Variants in RBM44 observed in about 807,000 individuals in gnomAD.
The protein encoded by RBM44 is RNA-binding protein 44.
RBM44 carries 66 observed loss-of-function variants against 105.1 expected under a neutral mutation model. The ratio of observed to expected loss-of-function variants is 0.63; its 90% CI spans 0.52 to 0.77. The LOEUF is 0.77. Ranked by LOEUF, RBM44 falls within the 30% of genes least tolerant of loss-of-function variation. RBM44 has a pLI of 0.00. For missense variants in RBM44, 1,122 were observed against 1,207.8 expected (o/e 0.93, Z 1.05); for synonymous variants, 365 against 417.6 (o/e 0.87, Z 1.54).
chr2:237,831,002 T>C (rs12467822), intron 13 of RBM44, among the ~76,000 whole-genome samples: 26,568 of 151,974 alleles, frequency 0.17, 2,688 homozygotes, highest in Middle Eastern at 0.3. Flanking sequence ...ACTTGTTGAA[T>C]AAATGTATCT....
chr2:237,816,854 C>T, intron 2 of RBM44, 139 bp from the exon 3 acceptor site: 1 of 570,154 alleles, frequency 1.8e-6, no homozygotes, highest in Non-Finnish European at 2.9e-6. Context: ...TTAGCTGCTA[C>T]TGAAAGGGAT....
chr2:237,804,068 C>T (rs964268780), intron 1 of RBM44, among the ~76,000 whole-genome samples: 50 of 152,146 alleles, frequency 3.3e-4, no homozygotes, highest in African/African-American at 1.2e-3. Flanking sequence ...CAGGGTTTCA[C>T]CATGTTGGCC....
chr2:237,815,032 A>T (rs1429202748), intron 2 of RBM44, among the ~76,000 whole-genome samples: 1 of 152,104 alleles, frequency 6.6e-6, no homozygotes, highest in African/African-American at 2.4e-5. Context: ...GAAAATTCTG[A>T]TATGACAAGA....
At chr2:237,827,636 G>C (rs2061861506) in intron 12 of RBM44, 133 bp downstream of exon 12, 2 of 618,238 alleles carry the variant, frequency 3.2e-6, no homozygotes, top group Non-Finnish European at 5.8e-6. Context: ...CCAGGGAAGG[G>C]GACATAGGGA....
At position 237,803,757 on chromosome 2, in the gene RBM44, A is replaced by G. The variant is rs2061570397; in HGVS notation, c.-19+4896A>G. Among the ~76,000 whole-genome samples the G allele has an allele frequency of 6.6e-6, 1 of 152,196 alleles. No homozygotes were observed. Among genetic ancestry groups the G allele is most frequent in the South Asian group, 2.1e-4 (1 of 4,836 alleles). On this transcript the variant is annotated intron_variant, in intron 1 of 15. Coordinates refer to ENST00000316997, the MANE Select transcript of RBM44 (RefSeq NM_001080504.3). The surrounding 1 kb of genome is among the most constrained non-coding windows in gnomAD (Gnocchi z 4.2). ...ATTATAAATTTGGTTTTCACATTTAAAAATATGATTCATCTCACTTTTATT... is the reference window on the plus strand; with the variant it reads ...ATTATAAATTTGGTTTTCACATTTAGAAATATGATTCATCTCACTTTTATT...
At chr2:237,835,049 G>A (rs1168302536) in intron 15 of RBM44, among the ~76,000 whole-genome samples, 1 of 152,150 alleles carries the variant, frequency 6.6e-6, no homozygotes, top group East Asian at 1.9e-4. Context: ...TTGTGTCTGT[G>A]TCACATTTTG....
At chr2:237,808,181 A>G (rs572249817) in intron 1 of RBM44, among the ~76,000 whole-genome samples, 1 of 152,154 alleles carries the variant, frequency 6.6e-6, no homozygotes, top group African/African-American at 2.4e-5. Flanking sequence ...GGCCGAGTGC[A>G]GTGGCTCAGG....
chr2:237,808,178 T>A (rs2061618677), intron 1 of RBM44, among the ~76,000 whole-genome samples: 1 of 151,920 alleles, frequency 6.6e-6, no homozygotes, highest in Non-Finnish European at 1.5e-5. Flanking sequence ...CAGGGCCGAG[T>A]GCAGTGGCTC....
intron 5 of RBM44, chr2:237,820,609 G>A: frequency 3.3e-6 from 1 of 301,034 alleles, no homozygotes; most frequent in Non-Finnish European, 6.0e-6. Flanking sequence ...AACTTAGAGA[G>A]TTTTTGCATG....
chr2:237,842,720 G>T lies in RBM44; in HGVS notation c.*904G>T, dbSNP rs1213929353. On this transcript the variant is annotated 3_prime_UTR_variant, in exon 16 of 16. Coordinates refer to ENST00000316997, the MANE Select transcript of RBM44 (RefSeq NM_001080504.3). ...GTTTTAAATGTTTATAGCATTCAAT[G>T]TGTAGTTGGATTTACTTGACTAAAA... 1 of 151,940 alleles carries T rather than the reference G, an allele frequency of 6.6e-6. No individual in the cohort carries two copies. The highest frequency in any genetic ancestry group is 1.5e-5 in the Non-Finnish European group (1 of 67,920). 9.4% of individuals were successfully genotyped at this position (151,940 alleles called of 1,614,324 possible).
intron 2 of RBM44, 71 bp downstream of exon 2, chr2:237,813,753 G>C (rs1461837759): frequency 2.3e-5 from 23 of 1,021,512 alleles, no homozygotes; most frequent in Non-Finnish European, 3.2e-5. Flanking sequence ...CAGACAGTTT[G>C]CCCTTCAGGT....
intron 15 of RBM44, among the ~76,000 whole-genome samples, chr2:237,838,136 G>C (rs76092007): frequency 0.022 from 3,348 of 152,204 alleles, 57 homozygotes; most frequent in East Asian, 0.056. Flanking sequence ...GAGTACATCA[G>C]AGAAAAACTG....
chr2:237,814,896 A>AC (rs68146112), intron 2 of RBM44, among the ~76,000 whole-genome samples: 31 of 148,984 alleles, frequency 2.1e-4, no homozygotes, highest in Non-Finnish European at 3.3e-4. Context: ...GTTAACCCCC[A>AC]CCCCCCCCTA....
chr2:237,824,710 T>C (rs1454531712), intron 10 of RBM44, among the ~76,000 whole-genome samples: 1 of 152,174 alleles, frequency 6.6e-6, no homozygotes, highest in Non-Finnish European at 1.5e-5. Context: ...CATTTTCCTC[T>C]TTCCAGGCAC....
chr2:237,810,407 C>T (rs1013919035), intron 1 of RBM44, among the ~76,000 whole-genome samples: 3 of 152,198 alleles, frequency 2.0e-5, no homozygotes, highest in Admixed American at 1.3e-4. Context: ...CTTTTTATCT[C>T]CTCTGTTGCA....
At chr2:237,838,833 A>T (rs1309605482) in intron 15 of RBM44, among the ~76,000 whole-genome samples, 4 of 152,200 alleles carry the variant, frequency 2.6e-5, no homozygotes, top group African/African-American at 4.8e-5. Context: ...ATCACACAAG[A>T]TGTGCTTAAT....
Position 237,803,288 on chromosome 2 carries a change from G to C in RBM44, c.-19+4427G>C, listed in dbSNP as rs1265935872. Among the ~76,000 whole-genome samples, 2 of 150,528 alleles carry C rather than the reference G, an allele frequency of 1.3e-5. No homozygotes were observed. Among genetic ancestry groups the C allele is most frequent in the African/African-American group, 4.9e-5 (2 of 40,778 alleles). On this transcript the variant is annotated intron_variant, in intron 1 of 15. Transcript: ENST00000316997. The surrounding 1 kb of genome is among the most constrained non-coding windows in gnomAD (Gnocchi z 4.2). ...ACACACACACAGTCTCTCTGTCTCT[G>C]GGTGACAGAGCGAGACACACACACA...
At position 237,821,052 on chromosome 2, in the gene RBM44, G is replaced by A; in HGVS notation, c.1914-19G>A. The A allele has an allele frequency of 1.3e-6, 2 of 1,562,230 alleles. No individual in the cohort carries two copies. The highest frequency in any genetic ancestry group is 1.7e-6 in the Non-Finnish European group (2 of 1,158,674). ...TTAGGCCTAAATAATTTAGTTTTGT[G>A]CACTCAACTTTTGAACAGGAATTTA... On this transcript the variant is annotated intron_variant, in intron 5 of 15. Coordinates refer to ENST00000316997, the MANE Select transcript of RBM44 (RefSeq NM_001080504.3).
At chr2:237,805,538 A>G (rs1042198006) in intron 1 of RBM44, among the ~76,000 whole-genome samples, 2 of 152,242 alleles carry the variant, frequency 1.3e-5, no homozygotes, top group African/African-American at 2.4e-5. Flanking sequence ...AAGCAATGGG[A>G]GAAGGACTCC....
Sources: allele counts gnomAD v4.1 joint callset (sites outside exome capture counted in the v4.1 genomes callset), GRCh38; gene constraint gnomAD v4.1.1; non-coding constraint Gnocchi (gnomAD v3.1); transcripts MANE v1.5; gene names NCBI Gene and HGNC (gene_info 2026-07-23, HGNC 2026-07-21).